The following FAM234A variants were observed in gnomAD, a reference collection of about 807,000 sequenced individuals.
The protein encoded by FAM234A is protein FAM234A.
FAM234A carries 42 observed loss-of-function variants against 49.1 expected under a neutral mutation model. That is an observed-to-expected ratio of 0.86 (90% CI 0.67 to 1.11). The LOEUF is 1.11. FAM234A is among the 50% of genes least tolerant of loss of function. The probability of loss-of-function intolerance (pLI) is 0.00; values close to 1 mark genes in which losing one functional copy is unlikely to be tolerated. For missense variants in FAM234A, 815 were observed against 745.2 expected (o/e 1.09, Z -1.09); for synonymous variants, 369 against 316.2 (o/e 1.17, Z -1.77).
At chr16:250,811 C>T (rs1298576069) in intron 2 of FAM234A, among the ~76,000 whole-genome samples, 3 of 152,148 alleles carry the variant, frequency 2.0e-5, no homozygotes, top group Non-Finnish European at 2.9e-5. Flanking sequence ...AGGGGACCTT[C>T]GTGTCCTAGT....
chr16:261,300 C>A, intron 5 of FAM234A, 84 bp from the exon 6 acceptor site: 1 of 1,509,388 alleles, frequency 6.6e-7, no homozygotes, highest in Non-Finnish European at 9.0e-7. Context: ...CAACAGGAGC[C>A]TGCCTGTCAC....
rs1036382094 is a variant in FAM234A, at chr16:263,405, A to T, written c.1112+3A>T. On this transcript the variant is annotated splice_donor_region_variant and intron_variant, in intron 9 of 12. Transcript: ENST00000399932. The stretch of plus-strand genomic sequence containing the variant: ...CCCAAGGCAGCCCATGTCCTGAGGT[A>T]CAGGGTTTCCCCAAGGACCGCGCAG... 3.1e-6 allele frequency: 5 copies of T among 1,608,784 alleles called. No homozygotes were observed. Among genetic ancestry groups the T allele is most frequent in the Non-Finnish European group, 4.2e-6 (5 of 1,179,918 alleles).
chr16:263,467 G>T (rs780330287), intron 9 of FAM234A, 65 bp downstream of exon 9: 2 of 1,583,202 alleles, frequency 1.3e-6, no homozygotes, highest in African/African-American at 1.3e-5. Context: ...GGCACATCCC[G>T]TTGGCTGGCG....
At position 259,636 on chromosome 16, in the gene FAM234A, G is replaced by A. The variant is rs745962933; in HGVS notation, c.385+37G>A. 4.7e-6 allele frequency: 6 copies of A among 1,281,594 alleles called. No homozygotes were observed. The Admixed American group carries it at 7.1e-5, about 15-fold the overall frequency. The allele number at this position is 1,281,594 out of a possible 1,614,324, so 79.4% of individuals were successfully genotyped here. On this transcript the variant is annotated intron_variant, in intron 4 of 12. Coordinates refer to ENST00000399932, the MANE Select transcript of FAM234A (RefSeq NM_032039.4). ...TTATATGAAAAAGGCGGAGCTCCCT[G>A]TAGAAAGAGGAATCGTCATTTTGGG...
chr16:268,759 CTT>C, downstream of FAM234A: 2 of 1,548,854 alleles, frequency 1.3e-6, no homozygotes, highest in Non-Finnish European at 1.7e-6. Flanking sequence ...ACGGCACTCT[CTT>C]GGGTCCTCTT....
Position 261,612 on chromosome 16 carries a change from G to C in FAM234A, c.708+98G>C. The C allele has an allele frequency of 4.2e-6, 6 of 1,421,886 alleles. No homozygotes were observed. In the South Asian group the frequency reaches 6.6e-5, roughly 16 times the overall value. The allele number at this position is 1,421,886 out of a possible 1,614,324, so 88.1% of individuals were successfully genotyped here. A position where few individuals can be genotyped will look rare whatever the true frequency, so the allele number is the denominator to read the frequency against. On this transcript the variant is annotated intron_variant, in intron 6 of 12. Coordinates refer to ENST00000399932, the MANE Select transcript of FAM234A (RefSeq NM_032039.4). ...TGCTGCCACTTCCCAGACAGGATTC[G>C]GGTCTGACCACTTGCCGGGGACTCG...
chr16:262,409 C>T lies in FAM234A; in HGVS notation c.842-15C>T. 1 of 1,587,666 alleles carries T rather than the reference C, an allele frequency of 6.3e-7. No homozygotes were observed. The highest frequency in any genetic ancestry group is 2.2e-5 in the East Asian group (1 of 44,552). ...GTGACCCTGGTGACCTCGGGCCCTTCTGTGTTTTGAATAGCAAGCTCCCTC... is the reference window on the plus strand; with the variant it reads ...GTGACCCTGGTGACCTCGGGCCCTTTTGTGTTTTGAATAGCAAGCTCCCTC... On this transcript the variant is annotated splice_polypyrimidine_tract_variant and intron_variant, in intron 7 of 12. Transcript: ENST00000399932.
At position 256,063 on chromosome 16, in the gene FAM234A, C is replaced by G. The variant is rs78482110; in HGVS notation, c.268+1382C>G. Among the ~76,000 whole-genome samples, 134 of 152,198 alleles carry G rather than the reference C, an allele frequency of 8.8e-4. 2 individuals are homozygous for G. In the East Asian group the frequency reaches 0.022, roughly 25 times the overall value. On this transcript the variant is annotated intron_variant, in intron 3 of 12. Transcript: ENST00000399932. Reference sequence around the variant, plus strand: ...TTTTGCCGTTCGTTTGTGTCGTGGTCTGTCTGTGTCTTTCCGTTGCTGAGC... The same window carrying G: ...TTTTGCCGTTCGTTTGTGTCGTGGTGTGTCTGTGTCTTTCCGTTGCTGAGC...
In FAM234A at chr16:260,202, A is replaced by G. The variant is rs572774109; in HGVS notation, c.577+42A>G. On this transcript the variant is annotated intron_variant, in intron 5 of 12. Coordinates refer to ENST00000399932, the MANE Select transcript of FAM234A (RefSeq NM_032039.4). Reference sequence around the variant, plus strand: ...GCGGGGTTCTCACTGAGGGCCTCTCACCTGAGCCACCTCACCCTGAGGGCT... The same window carrying G: ...GCGGGGTTCTCACTGAGGGCCTCTCGCCTGAGCCACCTCACCCTGAGGGCT... The G allele has an allele frequency of 1.1e-5, 18 of 1,566,686 alleles. No individual in the cohort carries two copies. In the East Asian group the frequency reaches 3.6e-4, roughly 31 times the overall value.
At chr16:252,042 C>T (rs1421260455) in intron 2 of FAM234A, among the ~76,000 whole-genome samples, 19 of 150,650 alleles carry the variant, frequency 1.3e-4, no homozygotes, top group Non-Finnish European at 2.7e-4. Flanking sequence ...TCTCTGTTGC[C>T]CAGGCTAGAG....
At chr16:266,927 C>A (rs2051709413), downstream of FAM234A, among the ~76,000 whole-genome samples, 1 of 151,880 alleles carries the variant, frequency 6.6e-6, no homozygotes, top group African/African-American at 2.4e-5. Flanking sequence ...AGGGAGGGGT[C>A]ACCCTGCAGG....
chr16:252,827 G>A (rs1373872835), intron 2 of FAM234A, among the ~76,000 whole-genome samples: 1 of 152,174 alleles, frequency 6.6e-6, no homozygotes, highest in Non-Finnish European at 1.5e-5. Flanking sequence ...TCCCCAGAGG[G>A]TGCGGCTTTC....
intron 2 of FAM234A, among the ~76,000 whole-genome samples, chr16:250,558 C>T (rs892419897): frequency 6.6e-6 from 1 of 152,188 alleles, no homozygotes; most frequent in African/African-American, 2.4e-5. Flanking sequence ...ACTTAAGCCT[C>T]AGCACCTAGG....
chr16:264,793 G>A lies in FAM234A; in HGVS notation c.1448-18G>A, dbSNP rs762968239. On this transcript the variant is annotated intron_variant, in intron 12 of 12. Coordinates refer to ENST00000399932, the MANE Select transcript of FAM234A (RefSeq NM_032039.4). ...CTGGTCCTGAGCCGCCCTGACAGCT[G>A]TGTCCCCCACCCTGCAGCCGTCCTG... 5.0e-6 allele frequency: 8 copies of A among 1,607,416 alleles called. No individual in the cohort carries two copies. Among genetic ancestry groups the A allele is most frequent in the Non-Finnish European group, 5.9e-6 (7 of 1,178,726 alleles).
intron 2 of FAM234A, among the ~76,000 whole-genome samples, chr16:250,132 C>T (rs1300898803): frequency 6.6e-6 from 1 of 152,156 alleles, no homozygotes; most frequent in Non-Finnish European, 1.5e-5. Flanking sequence ...GGGGTTTCAC[C>T]GTGTTAGCCA....
downstream of FAM234A, chr16:269,882 G>A (rs536928524): frequency 5.6e-6 from 2 of 358,368 alleles, no homozygotes; most frequent in African/African-American, 2.1e-5. Context: ...GAATGGCTCC[G>A]TGTGCCCCAC....
At position 265,230 on chromosome 16, in the gene FAM234A, C is replaced by G; in HGVS notation, c.*208C>G. On this transcript the variant is annotated 3_prime_UTR_variant, in exon 13 of 13. Coordinates refer to ENST00000399932, the MANE Select transcript of FAM234A (RefSeq NM_032039.4). ...GGGACACCCTGGGCCTCTCTCCCGC[C>G]CAGCATCCTCCCTGAGTCCCCACAC... is the stretch of plus-strand genomic sequence containing the variant. The G allele has an allele frequency of 1.4e-6, 2 of 1,388,652 alleles. No individual in the cohort carries two copies. Among genetic ancestry groups the G allele is most frequent in the African/African-American group, 2.9e-5 (2 of 68,922 alleles). The allele number at this position is 1,388,652 out of a possible 1,614,324, so 86.0% of individuals were successfully genotyped here.
At chr16:250,594 T>C (rs2050965782) in intron 2 of FAM234A, among the ~76,000 whole-genome samples, 1 of 152,200 alleles carries the variant, frequency 6.6e-6, no homozygotes, top group African/African-American at 2.4e-5. Context: ...TTTCTTATTG[T>C]GGTAAAATGT....
At chr16:269,643 C>G, downstream of FAM234A, 1 of 1,347,128 alleles carries the variant, frequency 7.4e-7, no homozygotes. Flanking sequence ...TCAGCCAGCT[C>G]CACCCGAAGG....
Sources: gnomAD v4.1 joint callset for allele counts (sites outside exome capture counted in the v4.1 genomes callset) on GRCh38, gnomAD v4.1.1 for gene constraint, MANE v1.5 for transcripts, NCBI Gene and HGNC (gene_info 2026-07-23, HGNC 2026-07-21) for gene names.